The following RNF111 variants were observed in gnomAD, a reference collection of about 807,000 sequenced individuals.
RNF111 encodes the protein E3 ubiquitin-protein ligase Arkadia.
A neutral mutation model predicts 95.1 loss-of-function variants in RNF111; 17 were observed. The ratio of observed to expected loss-of-function variants is 0.18; its 90% CI spans 0.12 to 0.27. The LOEUF (loss-of-function observed/expected upper bound fraction) is 0.27, where lower values mean the gene tolerates loss of function less well. Ranked by LOEUF, RNF111 falls within the 10% of genes least tolerant of loss-of-function variation. RNF111 has a pLI of 1.00. For synonymous variants in RNF111, 440 were observed against 414.8 expected (o/e 1.06, Z -0.74); for missense variants, 1,189 against 1,210.4 (o/e 0.98, Z 0.26).
chr15:59,039,936 C>T (rs942991639), intron 2 of RNF111, among the ~76,000 whole-genome samples: 1 of 151,858 alleles, frequency 6.6e-6, no homozygotes, highest in African/African-American at 2.4e-5. Context: ...AGCATGGTCT[C>T]GATCTCCTGA....
intron 1 of RNF111, among the ~76,000 whole-genome samples, chr15:59,010,942 A>G (rs1309118269): frequency 2.0e-5 from 3 of 152,070 alleles, no homozygotes; most frequent in Non-Finnish European, 4.4e-5. Context: ...CTAGTTTTTC[A>G]TATGCTCAAA....
intron 2 of RNF111, among the ~76,000 whole-genome samples, chr15:59,038,070 T>C (rs77521626): frequency 0.026 from 3,962 of 152,248 alleles, 111 homozygotes; most frequent in Middle Eastern, 0.054. Context: ...TAATTTAGAG[T>C]TAGTGATTAT....
intron 7 of RNF111, among the ~76,000 whole-genome samples, chr15:59,077,278 T>A (rs1157685555): frequency 1.3e-5 from 2 of 152,330 alleles, no homozygotes; most frequent in Non-Finnish European, 2.9e-5. Flanking sequence ...AAAAATAATA[T>A]ACTGAAGCAG....
At chr15:59,002,082 G>A (rs542916498) in intron 1 of RNF111, among the ~76,000 whole-genome samples, 1 of 152,312 alleles carries the variant, frequency 6.6e-6, no homozygotes, top group African/African-American at 2.4e-5. Flanking sequence ...AGCGGTTAAA[G>A]CTTGTGAGCT....
intron 1 of RNF111, among the ~76,000 whole-genome samples, chr15:59,028,021 T>G (rs111922375): frequency 0.031 from 4,783 of 152,120 alleles, 251 homozygotes; most frequent in African/African-American, 0.11. Context: ...GAGATGGGGT[T>G]TCACCATGTT....
At chr15:59,025,078 C>G (rs1477483300) in intron 1 of RNF111, among the ~76,000 whole-genome samples, 1 of 152,236 alleles carries the variant, frequency 6.6e-6, no homozygotes, top group African/African-American at 2.4e-5. Context: ...TCAGTGGACA[C>G]TTGAGATGCT....
At chr15:59,019,867 C>T (rs1027774739) in intron 1 of RNF111, among the ~76,000 whole-genome samples, 9 of 151,766 alleles carry the variant, frequency 5.9e-5, no homozygotes, top group African/African-American at 1.9e-4. Context: ...GCTGAGGCAG[C>T]AAAATTGCTT....
At chr15:59,019,321 T>G (rs1167627079) in intron 1 of RNF111, among the ~76,000 whole-genome samples, 1 of 152,146 alleles carries the variant, frequency 6.6e-6, no homozygotes, top group Non-Finnish European at 1.5e-5. Context: ...GAATGGATCC[T>G]TAGGTGTATA....
At chr15:59,002,807 C>T (rs2039381220) in intron 1 of RNF111, among the ~76,000 whole-genome samples, 2 of 152,168 alleles carry the variant, frequency 1.3e-5, no homozygotes, top group Admixed American at 1.3e-4. Context: ...TAGTTCTTTG[C>T]ACCTGTTAGG....
At chr15:59,086,880 T>C (rs1324619133) in intron 10 of RNF111, among the ~76,000 whole-genome samples, 3 of 152,220 alleles carry the variant, frequency 2.0e-5, no homozygotes, top group African/African-American at 7.2e-5. Context: ...AATCAGATTA[T>C]AGTTAGATCA....
chr15:59,018,122 A>ATAATT (rs1343530357), intron 1 of RNF111, among the ~76,000 whole-genome samples: 2 of 152,168 alleles, frequency 1.3e-5, no homozygotes, highest in Non-Finnish European at 2.9e-5. Flanking sequence ...TACACTTTTA[A>ATAATT]TGAAGAAAGA....
At position 58,989,529 on chromosome 15, in the gene RNF111, C is replaced by T. The variant is rs573671528; in HGVS notation, c.-20+1461C>T. On this transcript the variant is annotated intron_variant, in intron 1 of 13. Transcript: ENST00000348370. ...CACGGGTGCTATATCATGTGCAGAT[C>T]CTTCTGTCACTTCTTAACTTTTGTT... Among the ~76,000 whole-genome samples the T allele has an allele frequency of 2.0e-5, 3 of 152,252 alleles. No individual in the cohort carries two copies. In the East Asian group the frequency reaches 5.8e-4, roughly 29 times the overall value.
At chr15:59,075,914 C>A in intron 6 of RNF111, 40 bp from the exon 7 acceptor site, 1 of 1,594,652 alleles carries the variant, frequency 6.3e-7, no homozygotes, top group Non-Finnish European at 8.6e-7. Context: ...AATATTTGAC[C>A]AAACTTTAGA....
At chr15:59,008,216 TTTTG>T (rs1195978324) in intron 1 of RNF111, among the ~76,000 whole-genome samples, 3 of 152,146 alleles carry the variant, frequency 2.0e-5, no homozygotes, top group Admixed American at 1.3e-4. Flanking sequence ...TCACGACCAT[TTTTG>T]TTTGTTTGTT....
At chr15:59,069,918 A>G (rs1430223105) in intron 6 of RNF111, among the ~76,000 whole-genome samples, 1 of 150,304 alleles carries the variant, frequency 6.7e-6, no homozygotes, top group Admixed American at 6.6e-5. Context: ...TACCGAGAAG[A>G]TGCAGTAGTC....
At chr15:59,016,350 A>G (rs1450454615) in intron 1 of RNF111, among the ~76,000 whole-genome samples, 1 of 151,740 alleles carries the variant, frequency 6.6e-6, no homozygotes, top group Non-Finnish European at 1.5e-5. Flanking sequence ...CTGTATTTTT[A>G]GTAGAGATGG....
intron 1 of RNF111, among the ~76,000 whole-genome samples, chr15:59,010,330 T>G (rs1400196950): frequency 6.6e-6 from 1 of 152,216 alleles, no homozygotes; most frequent in African/African-American, 2.4e-5. Context: ...AGAGCAAATT[T>G]CATATTTTTG....
intron 1 of RNF111, among the ~76,000 whole-genome samples, chr15:58,990,874 A>T (rs1209540532): frequency 6.6e-6 from 1 of 152,024 alleles, no homozygotes; most frequent in Non-Finnish European, 1.5e-5. Context: ...ATTACATTTG[A>T]ATGTCTTATA....
chr15:59,083,416 T>C (rs1355545466), intron 8 of RNF111, among the ~76,000 whole-genome samples: 1 of 152,006 alleles, frequency 6.6e-6, no homozygotes, highest in African/African-American at 2.4e-5. Context: ...CATGCACCTG[T>C]AGTCCCAGCC....
Sources: allele counts gnomAD v4.1 joint callset (sites outside exome capture counted in the v4.1 genomes callset), GRCh38; gene constraint gnomAD v4.1.1; transcripts MANE v1.5; gene names NCBI Gene and HGNC (gene_info 2026-07-23, HGNC 2026-07-21).